MYH11: variants seen among roughly 807,000 people sequenced by gnomAD.
MYH11 encodes the protein myosin-11.
A neutral mutation model predicts 246.6 loss-of-function variants in MYH11; 80 were observed. The ratio of observed to expected loss-of-function variants is 0.32; its 90% confidence interval spans 0.27 to 0.39. The LOEUF (loss-of-function observed/expected upper bound fraction) is 0.39, where lower values mean the gene tolerates loss of function less well. MYH11 is among the 10% of genes least tolerant of loss of function. The probability of loss-of-function intolerance (pLI) is 1.00; values close to 1 mark genes in which losing one functional copy is unlikely to be tolerated. For synonymous variants in MYH11, 1,071 were observed against 1,015.5 expected (o/e 1.05, Z -1.04); for missense variants, 2,158 against 2,546.8 (o/e 0.85, Z 3.29).
chr16:15,738,910 A>G (rs951926522), intron 23 of MYH11, among the ~76,000 whole-genome samples: 2 of 152,130 alleles, frequency 1.3e-5, no homozygotes, highest in Non-Finnish European at 2.9e-5. Flanking sequence ...ATGGTCAGCT[A>G]AAGGTACCCT....
intron 2 of MYH11, 96 bp downstream of exon 2, chr16:15,837,812 G>A: frequency 8.6e-7 from 1 of 1,167,712 alleles, no homozygotes; most frequent in Non-Finnish European, 1.3e-6. Context: ...TGGGAGTACA[G>A]GCATGAGCCA....
chr16:15,704,232 A>AT (rs372266248), intron 40 of MYH11, 109 bp from the exon 41 acceptor site: 189 of 1,349,712 alleles, frequency 1.4e-4, no homozygotes, highest in Middle Eastern at 4.9e-4. Flanking sequence ...TGCAATATAA[A>AT]TTTTTTTTAT....
chr16:15,789,595 G>A (rs770087049), intron 4 of MYH11, among the ~76,000 whole-genome samples: 1 of 152,148 alleles, frequency 6.6e-6, no homozygotes, highest in Non-Finnish European at 1.5e-5. Flanking sequence ...AAAAGACAGA[G>A]TGAAGTCCCA....
In MYH11 at chr16:15,720,027, C is replaced by A. The variant is rs1014405216; in HGVS notation, c.4953+124G>T. ...ATCCTGAATGGTTCCAGAAAAACCC[C>A]AGCTGAACCCACACCAATGGCAGGT... On this transcript the variant is annotated intron_variant, in intron 34 of 40. Coordinates refer to ENST00000300036, the MANE Select transcript of MYH11 (RefSeq NM_002474.3). The A allele has an allele frequency of 1.2e-5, 16 of 1,354,772 alleles. No homozygotes were observed. In the African/African-American group the frequency reaches 1.6e-4, roughly 13 times the overall value. The allele number at this position is 1,354,772 out of a possible 1,614,324, so 83.9% of individuals were successfully genotyped here. A position where few individuals can be genotyped will look rare whatever the true frequency, so the allele number is the denominator to read the frequency against.
At chr16:15,749,790 C>T (rs753561556) in intron 16 of MYH11, 2 of 426,486 alleles carry the variant, frequency 4.7e-6, no homozygotes, top group Admixed American at 3.8e-5. Flanking sequence ...GCTGAAGATG[C>T]CTGCACCAGA....
At chr16:15,771,175 T>G (rs557560140) in intron 9 of MYH11, among the ~76,000 whole-genome samples, 2 of 151,908 alleles carry the variant, frequency 1.3e-5, no homozygotes, top group Non-Finnish European at 2.9e-5. Flanking sequence ...TTTTTTTGTA[T>G]TTTTAGTAGA....
intron 3 of MYH11, among the ~76,000 whole-genome samples, chr16:15,811,748 C>A (rs2043142824): frequency 6.6e-6 from 1 of 152,090 alleles, no homozygotes; most frequent in African/African-American, 2.4e-5. Flanking sequence ...ATCACTCCAC[C>A]CGCAGAGTTG....
At position 15,715,284 on chromosome 16, in the gene MYH11, A is replaced by G; in HGVS notation, c.5505-12T>C. On this transcript the variant is annotated splice_polypyrimidine_tract_variant and intron_variant, in intron 38 of 40. Transcript: ENST00000300036. ...CCGCCTGTTTCTCTCTGCAAACAGC[A>G]AGGAAAACAGGTGGTTTCAGCGGAG... is the stretch of plus-strand genomic sequence containing the variant. 2 of 1,613,836 alleles carry G rather than the reference A, an allele frequency of 1.2e-6. No homozygotes were observed. Among genetic ancestry groups the G allele is most frequent in the Non-Finnish European group, 8.5e-7 (1 of 1,179,844 alleles).
At chr16:15,807,487 C>A (rs1596874576) in intron 3 of MYH11, among the ~76,000 whole-genome samples, 1 of 152,054 alleles carries the variant, frequency 6.6e-6, no homozygotes, top group East Asian at 1.9e-4. Flanking sequence ...CAGAGGTGAC[C>A]ACTGAACAGC....
chr16:15,706,764 T>G (rs2039479942), intron 40 of MYH11, among the ~76,000 whole-genome samples: 1 of 152,090 alleles, frequency 6.6e-6, no homozygotes, highest in South Asian at 2.1e-4. Flanking sequence ...TCCACATCAG[T>G]GCTCTAGGCA....
Position 15,708,784 on chromosome 16 carries a change from G to A in MYH11, c.5787-4661C>T, listed in dbSNP as rs373484327. Reference sequence around the variant, plus strand: ...GGATACTGAGACAACACACAGCTGCGAAGCTGAAGGCATGATACCTGGTGC... The same window carrying A: ...GGATACTGAGACAACACACAGCTGCAAAGCTGAAGGCATGATACCTGGTGC... On this transcript the variant is annotated intron_variant, in intron 40 of 40. Transcript: ENST00000300036. 253 of 1,602,784 alleles carry A rather than the reference G, an allele frequency of 1.6e-4. 1 individual carries two copies. The highest frequency in any genetic ancestry group is 2.0e-4 in the Non-Finnish European group (230 of 1,175,110).
intron 3 of MYH11, among the ~76,000 whole-genome samples, chr16:15,821,503 T>A (rs1056142860): frequency 6.6e-6 from 1 of 152,190 alleles, no homozygotes; most frequent in African/African-American, 2.4e-5. Flanking sequence ...ATAAATTTTT[T>A]CAGAGCACTG....
intron 38 of MYH11, among the ~76,000 whole-genome samples, chr16:15,716,585 A>G (rs772897378): frequency 4.3e-4 from 66 of 152,148 alleles, no homozygotes; most frequent in Non-Finnish European, 8.8e-4. Flanking sequence ...GCAGTGGCAC[A>G]ATCTCGGCTC....
intron 5 of MYH11, chr16:15,785,453 T>C (rs575233383): frequency 3.3e-5 from 5 of 151,874 alleles, no homozygotes; most frequent in African/African-American, 1.2e-4. Flanking sequence ...CCAGAGACAA[T>C]TCTAGGATGC....
Position 15,738,573 on chromosome 16 carries a change from T to A in MYH11, c.3113A>T (p.Glu1038Val). The change falls in exon 24 of 41, where the codon GAA becomes GTA. Residue 1038 changes from glutamate to valine, a missense_variant. Glu to Val is a moderately radical substitution (Grantham distance 121). This residue lies in a region of MYH11 where 284 missense variants were observed against 315.4 expected (regional missense o/e 0.90). Coordinates refer to ENST00000300036, the MANE Select transcript of MYH11 (RefSeq NM_002474.3). ...LKNKHESMIS[E>V]LEVRLKKEEK... ...CTTGGTAGCTGGTTTACCTTCCAGT[T>A]CTGAAATCATAGATTCATGCTTGTT... 6.2e-7 allele frequency: 1 copy of A among 1,613,210 alleles called. No homozygotes were observed. Among genetic ancestry groups the A allele is most frequent in the Non-Finnish European group, 8.5e-7 (1 of 1,179,722 alleles).
chr16:15,814,343 G>A (rs1039995436), intron 3 of MYH11, among the ~76,000 whole-genome samples: 5 of 151,492 alleles, frequency 3.3e-5, no homozygotes, highest in African/African-American at 4.8e-5. Context: ...ACCTAAGGTC[G>A]GGAGTTCAAG....
intron 26 of MYH11, 131 bp from the exon 27 acceptor site, chr16:15,732,839 G>T: frequency 1.7e-6 from 2 of 1,171,850 alleles, no homozygotes; most frequent in Non-Finnish European, 2.5e-6. Context: ...CTAGCTGTGT[G>T]ACCTTGGGTC....
In MYH11 at chr16:15,753,424, C is replaced by T. The variant is rs1267918882; in HGVS notation, c.1834G>A (p.Asp612Asn). The change falls in exon 15 of 41, where the codon GAC becomes AAC. Residue 612 changes from aspartate (D) to asparagine (N), a missense_variant. By Grantham distance (23) the Asp-to-Asn change is conservative (BLOSUM62 1). Around this residue, in one of 11 missense-constraint regions of MYH11, gnomAD observed 317 missense variants for 507.7 expected, o/e 0.62. Coordinates refer to ENST00000300036, the MANE Select transcript of MYH11 (RefSeq NM_002474.3). The stretch of plus-strand genomic sequence containing the variant: ...TTCCACAGGTCGGCCACAAACTTGT[C>T]GGAGGAGGCATTGAGCAGGGAAGTC... The part of the protein sequence containing the change: ...NVTSLLNASS[D>N]KFVADLWKDV... 14 of 1,613,982 alleles carry T rather than the reference C, an allele frequency of 8.7e-6. No individual in the cohort carries two copies. Among genetic ancestry groups the T allele is most frequent in the African/African-American group, 1.3e-5 (1 of 74,914 alleles).
chr16:15,704,355 G>A (rs943738134), intron 40 of MYH11, among the ~76,000 whole-genome samples: 3 of 152,082 alleles, frequency 2.0e-5, no homozygotes, highest in Admixed American at 6.6e-5. Context: ...AATTGGTTGC[G>A]GGGGTGGGTG....
Sources: gnomAD v4.1 joint callset for allele counts (sites outside exome capture counted in the v4.1 genomes callset) on GRCh38, gnomAD v4.1.1 for gene constraint, gnomAD v4.1.1 regional missense constraint, MANE v1.5 for transcripts, NCBI Gene and HGNC (gene_info 2026-07-23, HGNC 2026-07-21) for gene names.